CDKN2C: variants seen among roughly 807,000 people sequenced by gnomAD.
CDKN2C encodes cyclin dependent kinase inhibitor 2C.
In CDKN2C, 5 loss-of-function variants were observed where a neutral mutation model predicts 11.0. The observed-to-expected ratio is 0.45, with a 90% CI of 0.24 to 0.95. The LOEUF (loss-of-function observed/expected upper bound fraction) is 0.95, where lower values mean the gene tolerates loss of function less well. CDKN2C is among the 40% of genes least tolerant of loss of function. The probability of loss-of-function intolerance (pLI) is 0.21; values close to 1 mark genes in which losing one functional copy is unlikely to be tolerated. For missense variants in CDKN2C, 161 were observed against 211.9 expected (o/e 0.76, Z 1.49); for synonymous variants, 79 against 88.3 (o/e 0.89, Z 0.59).
At chr1:50,966,975 GT>G (rs1278431350), upstream of CDKN2C, among the ~76,000 whole-genome samples, 1 of 152,062 alleles carries the variant, frequency 6.6e-6, no homozygotes, top group Non-Finnish European at 1.5e-5. Context: ...ATTATCATAA[GT>G]TTTCCTTAGT....
At chr1:50,968,412 G>A (rs960422255), upstream of CDKN2C, 7 of 152,400 alleles carry the variant, frequency 4.6e-5, no homozygotes, top group Non-Finnish European at 1.0e-4. Flanking sequence ...GCCCCCGTAG[G>A]AATTGGGGCA....
At chr1:50,973,721 C>T (rs1330791782) in intron 1 of CDKN2C, among the ~76,000 whole-genome samples, 172 bp from the exon 2 acceptor site, 1 of 152,174 alleles carries the variant, frequency 6.6e-6, no homozygotes, top group Non-Finnish European at 1.5e-5. Flanking sequence ...CTTCTACTTT[C>T]ACCTACTAGC....
At chr1:50,972,994 T>C (rs1310483772) in intron 1 of CDKN2C, among the ~76,000 whole-genome samples, 1 of 152,178 alleles carries the variant, frequency 6.6e-6, no homozygotes, top group Non-Finnish European at 1.5e-5. Flanking sequence ...AGGAGGCTTG[T>C]CAGAACTTTG....
chr1:50,961,330 AC>A (rs1459345045), intron 1 of CDKN2C, among the ~76,000 whole-genome samples: 1 of 152,146 alleles, frequency 6.6e-6, no homozygotes, highest in Non-Finnish European at 1.5e-5. Context: ...GAGCCACTGC[AC>A]CCGGCCTATT....
intron 1 of CDKN2C, among the ~76,000 whole-genome samples, chr1:50,962,605 A>G (rs1037711355): frequency 6.6e-6 from 1 of 152,198 alleles, no homozygotes; most frequent in African/African-American, 2.4e-5. Flanking sequence ...CTCTGTAATG[A>G]TGCGTGTGTA....
At chr1:50,970,639 T>A in intron 1 of CDKN2C, 142 bp downstream of exon 1, 1 of 915,232 alleles carries the variant, frequency 1.1e-6, no homozygotes, top group Non-Finnish European at 1.8e-6. Context: ...TTTATATCTT[T>A]AAGTGGATGC....
chr1:50,960,862 T>C (rs1215587011), intron 1 of CDKN2C: 1 of 151,966 alleles, frequency 6.6e-6, no homozygotes, highest in Non-Finnish European at 1.5e-5. Context: ...AAGGTAGTTA[T>C]GAGAAATAAC....
At chr1:50,964,663 T>C (rs1387187484) in intron 1 of CDKN2C, among the ~76,000 whole-genome samples, 1 of 152,206 alleles carries the variant, frequency 6.6e-6, no homozygotes, top group Non-Finnish European at 1.5e-5. Context: ...ATGTCTAGTA[T>C]TCACTGACTT....
chr1:50,966,688 C>T (rs957484021), upstream of CDKN2C, among the ~76,000 whole-genome samples: 10 of 151,010 alleles, frequency 6.6e-5, no homozygotes, highest in Non-Finnish European at 1.3e-4. Context: ...CTGGTTTACC[C>T]AACAGGCAGA....
At chr1:50,973,804 T>G in intron 1 of CDKN2C, 89 bp from the exon 2 acceptor site, 1 of 1,484,266 alleles carries the variant, frequency 6.7e-7, no homozygotes, top group Non-Finnish European at 9.3e-7. Context: ...AAATAAATAG[T>G]TACATAAATG....
chr1:50,966,436 A>G (rs1645347537), upstream of CDKN2C, among the ~76,000 whole-genome samples: 1 of 152,222 alleles, frequency 6.6e-6, no homozygotes, highest in African/African-American at 2.4e-5. Flanking sequence ...GCTATATTTC[A>G]GTATTTGATG....
At chr1:50,966,151 G>C (rs1228642382), upstream of CDKN2C, among the ~76,000 whole-genome samples, 1 of 145,812 alleles carries the variant, frequency 6.9e-6, no homozygotes, top group East Asian at 2.0e-4. Context: ...CAATCCTCCT[G>C]CCTCAGCCTC....
intron 1 of CDKN2C, among the ~76,000 whole-genome samples, chr1:50,961,773 TCCTCCCACCTCAG>T (rs905962077): frequency 4.6e-5 from 7 of 152,196 alleles, no homozygotes; most frequent in African/African-American, 1.7e-4. Context: ...GCTCAAGCCA[TCCTCCCACCTCAG>T]CCTCCTGAGA....
Position 50,970,491 on chromosome 1 carries a change from G to A in CDKN2C, c.123G>A (p.Ala41=), listed in dbSNP as rs1645374058. The change falls in exon 1 of 2, where the codon GCG becomes GCA. Residue 41 remains alanine, a synonymous_variant. Coordinates refer to ENST00000371761, the MANE Select transcript of CDKN2C (RefSeq NM_078626.3). ...VNAQNGFGRT[A]LQVMKLGNPE... The stretch of plus-strand genomic sequence containing the variant: ...CACAAAATGGATTTGGAAGGACTGC[G>A]CTGCAGGTTGGTATTAAGAGAGGTG... 8.1e-6 allele frequency: 13 copies of A among 1,614,128 alleles called. No individual in the cohort carries two copies. The highest frequency in any genetic ancestry group is 1.1e-5 in the Non-Finnish European group (13 of 1,180,010).
upstream of CDKN2C, chr1:50,969,822 G>T: frequency 5.2e-6 from 1 of 191,254 alleles, no homozygotes; most frequent in Non-Finnish European, 1.1e-5. The surrounding 1 kb of genome is among the most constrained non-coding windows in gnomAD (Gnocchi z 6.6). Context: ...TCGGCGAGAC[G>T]GATGGAAACC....
intron 1 of CDKN2C, 128 bp downstream of exon 1, chr1:50,970,625 A>T: frequency 9.3e-7 from 1 of 1,074,136 alleles, no homozygotes; most frequent in East Asian, 2.4e-5. Flanking sequence ...GTTGGTTGCC[A>T]TATTTTATAT....
chr1:50,965,101 T>TAGATAG (rs1357964838), intron 1 of CDKN2C, among the ~76,000 whole-genome samples: 4 of 102,056 alleles, frequency 3.9e-5, no homozygotes, highest in African/African-American at 1.1e-4. Context: ...TAGATAGATA[T>TAGATAG]GCATCATATT....
chr1:50,968,911 C>G (rs1457990690), upstream of CDKN2C: 4 of 152,346 alleles, frequency 2.6e-5, no homozygotes, highest in African/African-American at 9.7e-5. Context: ...AAGGGGGCGA[C>G]ACGCAAGTGC....
chr1:50,965,517 C>T (rs925782298), upstream of CDKN2C, among the ~76,000 whole-genome samples: 9 of 151,794 alleles, frequency 5.9e-5, no homozygotes, highest in Admixed American at 1.3e-4. Context: ...AACTTTCAGC[C>T]TGGCCAATAT....
Sources: allele counts gnomAD v4.1 joint callset (sites outside exome capture counted in the v4.1 genomes callset), GRCh38; gene constraint gnomAD v4.1.1; non-coding constraint Gnocchi (gnomAD v3.1); transcripts MANE v1.5; gene names NCBI Gene and HGNC (gene_info 2026-07-23, HGNC 2026-07-21).